The following NPEPPS variants were observed in gnomAD, a reference collection of about 807,000 sequenced individuals.
The protein encoded by NPEPPS is aminopeptidase puromycin sensitive, also known as puromycin-sensitive aminopeptidase.
A neutral mutation model predicts 115.5 loss-of-function variants in NPEPPS; 14 were observed. That is an observed-to-expected ratio of 0.12 (90% confidence interval 0.08 to 0.19). The LOEUF (loss-of-function observed/expected upper bound fraction) is 0.19, where lower values mean the gene tolerates loss of function less well. NPEPPS is among the 10% of genes least tolerant of loss of function. The pLI, the probability that NPEPPS is intolerant of heterozygous loss-of-function variation, is 1.00. For synonymous variants in NPEPPS, 285 were observed against 390.6 expected (o/e 0.73, Z 3.19); for missense variants, 523 against 1,110.8 (o/e 0.47, Z 7.52).
At chr17:47,575,386 G>T (rs1911453057) in intron 3 of NPEPPS, among the ~76,000 whole-genome samples, 1 of 151,892 alleles carries the variant, frequency 6.6e-6, no homozygotes. Context: ...GATAAGGTCT[G>T]TTTACAGCAG....
chr17:47,555,981 CTTTTTTT>C (rs886460288), intron 2 of NPEPPS, among the ~76,000 whole-genome samples: 171 of 63,058 alleles, frequency 2.7e-3, no homozygotes, highest in South Asian at 0.013. Flanking sequence ...TTCTGTTTTA[CTTTTTTT>C]TTTTTTTTTT....
At chr17:47,601,968 G>T in intron 15 of NPEPPS, 1 of 463,532 alleles carries the variant, frequency 2.2e-6, no homozygotes, top group Non-Finnish European at 3.7e-6. Context: ...GACTAAGGAG[G>T]AGAAGAAAAA....
intron 2 of NPEPPS, among the ~76,000 whole-genome samples, chr17:47,561,985 G>A (rs1910459884): frequency 6.6e-6 from 1 of 152,238 alleles, no homozygotes; most frequent in Non-Finnish European, 1.5e-5. Flanking sequence ...CCTGGACCAG[G>A]TACAGAGAGC....
intron 2 of NPEPPS, among the ~76,000 whole-genome samples, chr17:47,556,772 T>C (rs576072501): frequency 5.4e-4 from 82 of 152,320 alleles, no homozygotes; most frequent in African/African-American, 1.9e-3. Flanking sequence ...GCCTCCCAAG[T>C]AGCTGGGACT....
At chr17:47,529,737 T>TATATATA (rs59313546), upstream of NPEPPS, among the ~76,000 whole-genome samples, 23 of 25,646 alleles carry the variant, frequency 9.0e-4, 4 homozygotes, top group South Asian at 1.4e-3. Context: ...TTCAGTTACA[T>TATATATA]TATATATATA....
chr17:47,602,322 C>CTT (rs921607673), intron 15 of NPEPPS, among the ~76,000 whole-genome samples: 2 of 151,680 alleles, frequency 1.3e-5, no homozygotes, highest in African/African-American at 4.8e-5. Flanking sequence ...GACATTTGTG[C>CTT]TTTTTTTTAA....
At chr17:47,610,494 C>T (rs1338369435) in intron 17 of NPEPPS, among the ~76,000 whole-genome samples, 1 of 151,868 alleles carries the variant, frequency 6.6e-6, no homozygotes, top group African/African-American at 2.4e-5. Context: ...AGCAATTCTC[C>T]TGCCTCAGCC....
At chr17:47,553,302 G>A (rs1458744404) in intron 2 of NPEPPS, among the ~76,000 whole-genome samples, 3 of 151,364 alleles carry the variant, frequency 2.0e-5, no homozygotes, top group Non-Finnish European at 4.4e-5. Context: ...GAACCTGGGA[G>A]GCAGAGGTTG....
chr17:47,560,448 A>G (rs1331747188), intron 2 of NPEPPS, among the ~76,000 whole-genome samples: 1 of 152,244 alleles, frequency 6.6e-6, no homozygotes, highest in African/African-American at 2.4e-5. Context: ...AGATAGGACC[A>G]TCACTATGTT....
At chr17:47,543,781 T>C (rs1318210858) in intron 1 of NPEPPS, among the ~76,000 whole-genome samples, 6 of 152,198 alleles carry the variant, frequency 3.9e-5, no homozygotes, top group Non-Finnish European at 8.8e-5. Context: ...TGAAGATTTA[T>C]GTCCAACAAT....
intron 2 of NPEPPS, among the ~76,000 whole-genome samples, chr17:47,565,574 C>A (rs995210835): frequency 4.7e-5 from 7 of 149,174 alleles, no homozygotes; most frequent in African/African-American, 1.7e-4. Context: ...AATCCCTGCA[C>A]TTTGGGAGGC....
chr17:47,555,787 CAG>C (rs1205412022), intron 2 of NPEPPS, among the ~76,000 whole-genome samples: 1 of 151,622 alleles, frequency 6.6e-6, no homozygotes. Context: ...TGGAGGGTAT[CAG>C]AGATCTTTCA....
intron 14 of NPEPPS, 105 bp from the exon 15 acceptor site, chr17:47,601,498 ATTGAC>A: frequency 8.8e-7 from 1 of 1,134,874 alleles, no homozygotes; most frequent in Non-Finnish European, 1.3e-6. Flanking sequence ...AGAATGAACT[ATTGAC>A]TTAACAGTTT....
At chr17:47,595,159 G>A (rs1248166359) in intron 12 of NPEPPS, among the ~76,000 whole-genome samples, 1 of 152,052 alleles carries the variant, frequency 6.6e-6, no homozygotes, top group Admixed American at 6.6e-5. Context: ...TCGAACTCCT[G>A]ACCTCAGGTG....
intron 12 of NPEPPS, 112 bp from the exon 13 acceptor site, chr17:47,596,241 C>G (rs999949339): frequency 1.6e-6 from 1 of 623,674 alleles, no homozygotes; most frequent in African/African-American, 1.9e-5. Flanking sequence ...GTTTCCTGAA[C>G]CTGAAAGAAC....
At chr17:47,536,386 CTCTTTTTTT>C (rs750334773) in intron 1 of NPEPPS, among the ~76,000 whole-genome samples, 7 of 126,670 alleles carry the variant, frequency 5.5e-5, no homozygotes, top group South Asian at 2.6e-4. Context: ...CATATTTTCT[CTCTTTTTTT>C]TTTTTTTTTT....
chr17:47,577,236 T>A (rs1182985061), intron 3 of NPEPPS: 9 of 484,966 alleles, frequency 1.9e-5, no homozygotes, highest in Non-Finnish European at 3.4e-5. Context: ...CAAGTAGATT[T>A]ACCATGAAAT....
intron 21 of NPEPPS, 136 bp downstream of exon 21, chr17:47,619,300 T>TA (rs1914394078): frequency 8.1e-6 from 7 of 866,944 alleles, no homozygotes; most frequent in Non-Finnish European, 1.3e-5. Flanking sequence ...ACGCCTGTAA[T>TA]ACCAGCACTT....
intron 5 of NPEPPS, among the ~76,000 whole-genome samples, chr17:47,585,193 T>G (rs1414574565): frequency 1.3e-5 from 2 of 152,224 alleles, no homozygotes; most frequent in African/African-American, 4.8e-5. Context: ...ATGAAGCCCT[T>G]AACTTAAATC....
Sources: allele counts gnomAD v4.1 joint callset (sites outside exome capture counted in the v4.1 genomes callset), GRCh38; gene constraint gnomAD v4.1.1; transcripts MANE v1.5; gene names NCBI Gene and HGNC (gene_info 2026-07-23, HGNC 2026-07-21).